SLFN12L: variants seen among roughly 807,000 people sequenced by gnomAD.
SLFN12L encodes the protein schlafen family member 12 like.
In SLFN12L, 34 loss-of-function variants were observed where a neutral mutation model predicts 34.8. The ratio of observed to expected loss-of-function variants is 0.98; its 90% CI spans 0.74 to 1.30. SLFN12L has a LOEUF of 1.30. Among genes scored for constraint, SLFN12L ranks in the 50% most tolerant of loss-of-function variants. SLFN12L has a pLI of 0.00. For missense variants in SLFN12L, 703 were observed against 696.2 expected (o/e 1.01, Z -0.11); for synonymous variants, 259 against 247.5 (o/e 1.05, Z -0.44).
At chr17:35,498,952 T>C (rs1915195238) in intron 2 of SLFN12L, 1 of 720,238 alleles carries the variant, frequency 1.4e-6, no homozygotes, top group African/African-American at 1.7e-5. Flanking sequence ...CAGGAGCGCA[T>C]TAAGCAAGTC....
At position 35,479,588 on chromosome 17, in the gene SLFN12L, G is replaced by C; in HGVS notation, c.694C>G (p.Leu232Val). The change falls in exon 3 of 5, where the codon CTT (leucine) becomes GTT (valine). Residue 232 changes from leucine to valine, a missense_variant. Coordinates refer to ENST00000628453, the MANE Select transcript of SLFN12L (RefSeq NM_001363830.2). ...LAADFFNRTE[L>V]GYKEKLTFTE... ...AAGGTCAATTTTTCTTTATAACCAA[G>C]TTCTGTTCTGTTAAAAAAATCAGCA... 6.2e-7 allele frequency: 1 copy of C among 1,613,064 alleles called. No individual in the cohort carries two copies. The highest frequency in any genetic ancestry group is 1.1e-5 in the South Asian group (1 of 90,934).
intron 2 of SLFN12L, chr17:35,490,452 A>G: frequency 9.6e-7 from 1 of 1,046,686 alleles, no homozygotes; most frequent in South Asian, 1.2e-5. Flanking sequence ...CGGAAGTGCT[A>G]AAAGTGCAAA....
rs1914782007 is a variant in SLFN12L at position 35,490,267 on chromosome 17, T to C, written c.87-10072A>G. ...GCGGTCATCAGTACCTCTCGGATGG[T>C]TCAAAAACCCCCAAGGGCAAAGGAA... On this transcript the variant is annotated intron_variant, in intron 2 of 4. Transcript: ENST00000628453. The C allele has an allele frequency of 2.6e-6, 4 of 1,519,696 alleles. No individual in the cohort carries two copies. In the South Asian group the frequency reaches 4.5e-5, roughly 17 times the overall value. 94.1% of individuals were successfully genotyped at this position (1,519,696 alleles called of 1,614,324 possible). A position where few individuals can be genotyped will look rare whatever the true frequency, so the allele number is the denominator to read the frequency against.
At chr17:35,511,564 C>T (rs151183875) in intron 2 of SLFN12L, among the ~76,000 whole-genome samples, 178 of 131,014 alleles carry the variant, frequency 1.4e-3, no homozygotes, top group African/African-American at 4.7e-3. Flanking sequence ...GGTGAGACCT[C>T]GTCTCTACAC....
chr17:35,507,204 C>T (rs1915490115), intron 2 of SLFN12L, among the ~76,000 whole-genome samples: 1 of 152,158 alleles, frequency 6.6e-6, no homozygotes, highest in Non-Finnish European at 1.5e-5. Context: ...GCTTCCCTGT[C>T]TATGCTTCCT....
chr17:35,516,642 G>A (rs1157480942), intron 2 of SLFN12L, among the ~76,000 whole-genome samples: 1 of 152,112 alleles, frequency 6.6e-6, no homozygotes, highest in African/African-American at 2.4e-5. Context: ...TCCCTTGGAG[G>A]GCAAAATCCA....
At chr17:35,486,996 AT>A (rs989801423) in intron 2 of SLFN12L, among the ~76,000 whole-genome samples, 1 of 152,228 alleles carries the variant, frequency 6.6e-6, no homozygotes, top group Admixed American at 6.5e-5. Flanking sequence ...CCTCTTCTAG[AT>A]GATAAACCAG....
At chr17:35,499,162 A>C in intron 2 of SLFN12L, 1 of 932,316 alleles carries the variant, frequency 1.1e-6, no homozygotes, top group Admixed American at 1.9e-5. Flanking sequence ...TTGGCTTGTG[A>C]TATTCTGGAG....
chr17:35,508,335 A>G (rs1295856769), intron 2 of SLFN12L, among the ~76,000 whole-genome samples: 1 of 151,994 alleles, frequency 6.6e-6, no homozygotes, highest in Admixed American at 6.6e-5. Flanking sequence ...TCGGTGTCTG[A>G]GTGGTTTTGT....
chr17:35,527,779 T>G (rs2072352695), intron 1 of SLFN12L, among the ~76,000 whole-genome samples: 1 of 152,138 alleles, frequency 6.6e-6, no homozygotes, highest in South Asian at 2.1e-4. Flanking sequence ...TACATTCCCT[T>G]TGAAAACCAG....
intron 2 of SLFN12L, among the ~76,000 whole-genome samples, chr17:35,508,555 A>G (rs1334205336): frequency 6.6e-6 from 1 of 152,140 alleles, no homozygotes; most frequent in East Asian, 1.9e-4. Context: ...TCACCGTGTT[A>G]GCCAGGATGG....
intron 2 of SLFN12L, among the ~76,000 whole-genome samples, chr17:35,502,889 G>A (rs1276869863): frequency 6.6e-6 from 1 of 152,086 alleles, no homozygotes; most frequent in African/African-American, 2.4e-5. Context: ...TTCTTGTCCT[G>A]AAATAAATTA....
chr17:35,495,936 CACA>C (rs1446740796), intron 2 of SLFN12L, among the ~76,000 whole-genome samples: 2 of 132,550 alleles, frequency 1.5e-5, no homozygotes, highest in East Asian at 5.1e-4. Context: ...CACACACACA[CACA>C]CACACACAAC....
intron 2 of SLFN12L, among the ~76,000 whole-genome samples, chr17:35,507,684 A>G (rs1457154672): frequency 6.6e-6 from 1 of 152,238 alleles, no homozygotes; most frequent in African/African-American, 2.4e-5. Flanking sequence ...TAAAACTCTT[A>G]TAATAGGAGT....
intron 2 of SLFN12L, chr17:35,490,856 T>C: frequency 2.0e-6 from 2 of 995,104 alleles, no homozygotes; most frequent in South Asian, 1.3e-5. Context: ...CAAGGGCACA[T>C]TGAGGTTTAC....
rs1289245339 is a variant in SLFN12L, at chr17:35,471,524, C to T, written c.*3399G>A. 6.6e-6 allele frequency among the ~76,000 whole-genome samples: 1 copy of T among 152,168 alleles called. No individual in the cohort carries two copies. Among genetic ancestry groups the T allele is most frequent in the African/African-American group, 2.4e-5 (1 of 41,434 alleles). On this transcript the variant is annotated 3_prime_UTR_variant, in exon 5 of 5. Transcript: ENST00000628453. The stretch of plus-strand genomic sequence containing the variant: ...CCTGGGTCAAATGGTATTTCTGGTT[C>T]TAGATCCTTGAGGAATCGCCACACT...
chr17:35,532,354 T>C (rs1021999671), intron 1 of SLFN12L, among the ~76,000 whole-genome samples: 3 of 151,368 alleles, frequency 2.0e-5, no homozygotes, highest in South Asian at 2.1e-4. Flanking sequence ...GAAGGAGAAT[T>C]GCTTGGACCT....
chr17:35,512,855 T>C (rs1261937320), intron 2 of SLFN12L, among the ~76,000 whole-genome samples: 1 of 152,230 alleles, frequency 6.6e-6, no homozygotes, highest in Non-Finnish European at 1.5e-5. Flanking sequence ...TATATTGCAC[T>C]ACAGTTTTCA....
rs918208459 is a variant in SLFN12L, at chr17:35,498,975, C to T, written c.87-18780G>A. On this transcript the variant is annotated intron_variant, in intron 2 of 4. Transcript: ENST00000628453. ...CATTAAGCAAGTCAAGGATGGGTGT[C>T]CCTCCCTCACTACCGTCTGCTTCTA... 3.3e-5 allele frequency: 23 copies of T among 703,584 alleles called. No individual in the cohort carries two copies. The African/African-American group carries it at 3.7e-4, about 11-fold the overall frequency. The allele number at this position is 703,584 out of a possible 1,614,324, so 43.6% of individuals were successfully genotyped here.
Sources: gnomAD v4.1 joint callset for allele counts (sites outside exome capture counted in the v4.1 genomes callset) on GRCh38, gnomAD v4.1.1 for gene constraint, MANE v1.5 for transcripts, NCBI Gene and HGNC (gene_info 2026-07-23, HGNC 2026-07-21) for gene names.